B3GALT1: variants seen among roughly 807,000 people sequenced by gnomAD.
The protein encoded by B3GALT1 is beta-1,3-galactosyltransferase 1, also known as UDP-Gal:betaGlcNAc beta 1,3-galactosyltransferase, polypeptide 1.
A neutral mutation model predicts 23.2 loss-of-function variants in B3GALT1; 10 were observed. The ratio of observed to expected loss-of-function variants is 0.43; its 90% CI spans 0.27 to 0.73. The LOEUF (loss-of-function observed/expected upper bound fraction) is 0.73. B3GALT1 is among the 30% of genes least tolerant of loss of function. B3GALT1 has a pLI of 0.21. For missense variants in B3GALT1, 299 were observed against 405.4 expected, an observed-to-expected ratio of 0.74 and a Z score of 2.25; for synonymous variants, 156 against 141.5, an observed-to-expected ratio of 1.10 and a Z score of -0.73.
intron 2 of B3GALT1, among the ~76,000 whole-genome samples, chr2:167,643,924 G>A (rs1685698725): frequency 6.6e-6 from 1 of 152,176 alleles, no homozygotes; most frequent in Admixed American, 6.6e-5. Flanking sequence ...AAGCTGTTTG[G>A]AATTGTCTTG....
chr2:167,479,342 A>T (rs1699530542), intron 1 of B3GALT1, among the ~76,000 whole-genome samples: 1 of 152,174 alleles, frequency 6.6e-6, no homozygotes. Context: ...CTAATTCAAA[A>T]ATATGCATGT....
At chr2:167,662,086 A>AG (rs1686069718) in intron 3 of B3GALT1, among the ~76,000 whole-genome samples, 1 of 151,106 alleles carries the variant, frequency 6.6e-6, no homozygotes, top group Non-Finnish European at 1.5e-5. Context: ...AAAAAAAAAA[A>AG]GCAGCAAGTT....
chr2:167,730,023 G>C (rs1052476085), intron 3 of B3GALT1, among the ~76,000 whole-genome samples: 2 of 152,122 alleles, frequency 1.3e-5, no homozygotes, highest in Admixed American at 6.6e-5. Context: ...GCCCAGAAGG[G>C]TGCACCACAA....
intron 1 of B3GALT1, among the ~76,000 whole-genome samples, chr2:167,364,705 A>G (rs556453526): frequency 6.6e-6 from 1 of 152,188 alleles, no homozygotes; most frequent in Non-Finnish European, 1.5e-5. Context: ...TCCATGGTGT[A>G]TATGTGCCAC....
At chr2:167,343,966 C>A (rs59899923) in intron 1 of B3GALT1, among the ~76,000 whole-genome samples, 1,778 of 152,230 alleles carry the variant, frequency 0.012, 36 homozygotes, top group African/African-American at 0.04. Flanking sequence ...AGCTGGATCA[C>A]GGTTTAAAAC....
intron 2 of B3GALT1, among the ~76,000 whole-genome samples, chr2:167,559,363 G>C (rs1683921636): frequency 6.6e-6 from 1 of 152,160 alleles, no homozygotes; most frequent in Non-Finnish European, 1.5e-5. Context: ...GGAAAAAACA[G>C]AGCAGAAAAA....
At chr2:167,331,892 G>A (rs1370473880) in intron 1 of B3GALT1, among the ~76,000 whole-genome samples, 1 of 152,198 alleles carries the variant, frequency 6.6e-6, no homozygotes, top group African/African-American at 2.4e-5. Context: ...TTGCTCCACA[G>A]CAGTCTGCAG....
rs73971207 is a variant in B3GALT1, at chr2:167,650,009, G to A, written c.-352+3043G>A. 2.0e-3 allele frequency among the ~76,000 whole-genome samples: 302 copies of A among 151,922 alleles called. 1 individual carries two copies. Among genetic ancestry groups the A allele is most frequent in the African/African-American group, 6.8e-3 (284 of 41,492 alleles). The stretch of plus-strand genomic sequence containing the variant: ...GTCTTTTTCGTGACCTTAGGGGGAA[G>A]CTTTAGTTTTTTCACCACTGTATAT... On this transcript the variant is annotated intron_variant, in intron 3 of 4. Coordinates refer to ENST00000392690, the MANE Select transcript of B3GALT1 (RefSeq NM_020981.4).
rs192585635 is a variant in B3GALT1, at chr2:167,713,905, T to C, written c.-352+66939T>C. 7.7e-3 allele frequency: 12,220 copies of C among 1,580,452 alleles called. 108 individuals carry two copies. The highest frequency in any genetic ancestry group is 8.1e-3 in the Non-Finnish European group (9,371 of 1,150,272). ...CTCCAAACATGGTTCCTGGAGGAGG[T>C]TGGGGGAAAGGAGGTCCTCTTCTCG... On this transcript the variant is annotated intron_variant, in intron 3 of 4. Coordinates refer to ENST00000392690, the MANE Select transcript of B3GALT1 (RefSeq NM_020981.4).
intron 2 of B3GALT1, among the ~76,000 whole-genome samples, chr2:167,560,330 G>T (rs183124958): frequency 6.0e-4 from 92 of 152,098 alleles, no homozygotes; most frequent in African/African-American, 2.1e-3. Flanking sequence ...AGGCACAACT[G>T]GTACCAGCAG....
chr2:167,854,432 T>G (rs888523005), intron 4 of B3GALT1, among the ~76,000 whole-genome samples: 1 of 152,202 alleles, frequency 6.6e-6, no homozygotes, highest in Non-Finnish European at 1.5e-5. Context: ...TTCTTTGGAC[T>G]TGTTTTAGTG....
intron 2 of B3GALT1, among the ~76,000 whole-genome samples, chr2:167,541,819 A>G (rs1001164895): frequency 1.6e-4 from 25 of 152,116 alleles, no homozygotes; most frequent in African/African-American, 5.5e-4. Flanking sequence ...TTGCATTTAC[A>G]TAGCAGTTAA....
At chr2:167,649,677 G>C (rs901723142) in intron 3 of B3GALT1, among the ~76,000 whole-genome samples, 1 of 152,018 alleles carries the variant, frequency 6.6e-6, no homozygotes, top group Non-Finnish European at 1.5e-5. Context: ...ATATGGATAC[G>C]CTACACTAGC....
chr2:167,369,272 C>A (rs1697642531), intron 1 of B3GALT1, among the ~76,000 whole-genome samples: 2 of 152,050 alleles, frequency 1.3e-5, no homozygotes, highest in African/African-American at 4.8e-5. Flanking sequence ...GTTTTGGAGG[C>A]CTTGCCTCTT....
intron 1 of B3GALT1, among the ~76,000 whole-genome samples, chr2:167,308,877 T>C (rs1696591570): frequency 6.6e-6 from 1 of 152,036 alleles, no homozygotes; most frequent in Non-Finnish European, 1.5e-5. Flanking sequence ...AAAACAATGA[T>C]GTCAGTATTC....
At chr2:167,465,847 A>G (rs1353237285) in intron 1 of B3GALT1, among the ~76,000 whole-genome samples, 1 of 152,162 alleles carries the variant, frequency 6.6e-6, no homozygotes, top group Non-Finnish European at 1.5e-5. Flanking sequence ...GAAAGTGGAC[A>G]ATTTGAGGAA....
chr2:167,357,978 A>T (rs1697441100), intron 1 of B3GALT1, among the ~76,000 whole-genome samples: 1 of 152,214 alleles, frequency 6.6e-6, no homozygotes, highest in Admixed American at 6.5e-5. Flanking sequence ...ATTTTATTTG[A>T]ATATATCTTC....
At chr2:167,416,534 ATGCTGAG>A (rs1325823764) in intron 1 of B3GALT1, among the ~76,000 whole-genome samples, 1 of 152,246 alleles carries the variant, frequency 6.6e-6, no homozygotes, top group Non-Finnish European at 1.5e-5. Flanking sequence ...AACTAGAGCA[ATGCTGAG>A]TGGAAATGCG....
intron 2 of B3GALT1, among the ~76,000 whole-genome samples, chr2:167,568,056 C>T (rs1244999209): frequency 6.6e-6 from 1 of 152,070 alleles, no homozygotes; most frequent in Non-Finnish European, 1.5e-5. Flanking sequence ...CTTTTCATGG[C>T]TCAATAGTTC....
Sources: allele counts gnomAD v4.1 joint callset (sites outside exome capture counted in the v4.1 genomes callset), GRCh38; gene constraint gnomAD v4.1.1; transcripts MANE v1.5; gene names NCBI Gene and HGNC (gene_info 2026-07-23, HGNC 2026-07-21).